Variants in UNC93B1 observed in about 807,000 individuals in gnomAD.
UNC93B1 encodes the protein unc-93B1 regulator of TLR signaling, also known as protein unc-93 homolog B1.
Under a neutral mutation model 56.8 loss-of-function variants are expected in UNC93B1, and 33 were observed. The observed-to-expected ratio is 0.58, with a 90% CI of 0.44 to 0.78. The LOEUF (loss-of-function observed/expected upper bound fraction) is 0.78, where lower values mean the gene tolerates loss of function less well. Among genes scored for constraint, UNC93B1 ranks in the 30% least tolerant of loss-of-function variants. UNC93B1 has a pLI of 0.00. For synonymous variants in UNC93B1, 334 were observed against 358.6 expected, an observed-to-expected ratio of 0.93 and a Z score of 0.77; for missense variants, 673 against 819.5, an observed-to-expected ratio of 0.82 and a Z score of 2.18.
chr11:68,002,892 A>C, intron 3 of UNC93B1, 130 bp downstream of exon 3: 1 of 1,216,462 alleles, frequency 8.2e-7, no homozygotes, highest in Non-Finnish European at 1.1e-6. Context: ...GCTTCCGGGT[A>C]GAAAAAAACC....
At chr11:67,999,732 G>T in intron 3 of UNC93B1, 52 bp from the exon 4 acceptor site, 1 of 1,584,692 alleles carries the variant, frequency 6.3e-7, no homozygotes, top group South Asian at 1.2e-5. Flanking sequence ...GACCACTGTG[G>T]CCTGAAGCCA....
rs1856952761 is a variant in UNC93B1, at chr11:67,996,688, C to T, written c.1003G>A (p.Val335Met). The T allele has an allele frequency of 3.2e-6, 5 of 1,551,776 alleles. No individual in the cohort carries two copies. The highest frequency in any genetic ancestry group is 1.2e-5 in the South Asian group (1 of 84,076). The change falls in exon 8 of 11, where the codon GTG becomes ATG. Residue 335 changes from valine (V) to methionine (M), a missense_variant. Physicochemically the swap from Val to Met is conservative, Grantham distance 21. This residue lies in a region of UNC93B1 where 155 missense variants were observed against 268.3 expected (regional missense o/e 0.58). Transcript: ENST00000227471. ...AGGTGGCGCAGGCGGTAGTCACGCA[C>T]GTGCTTGAAGGGCAGCTGGAAGATG... ...GNIFQLPFKH[V>M]RDYRLRHLVP...
chr11:68,002,185 T>TACACACACACACACACAC (rs60629377), intron 3 of UNC93B1, among the ~76,000 whole-genome samples: 6 of 140,780 alleles, frequency 4.3e-5, no homozygotes, highest in African/African-American at 1.1e-4. Context: ...CCCGCTTGCA[T>TACACACACACACACACAC]ACACACACAC....
chr11:67,997,358 C>T (rs766521977), intron 7 of UNC93B1, among the ~76,000 whole-genome samples: 1 of 152,230 alleles, frequency 6.6e-6, no homozygotes, highest in African/African-American at 2.4e-5. Flanking sequence ...AACCCCCTCA[C>T]AGGTCTCAGT....
At chr11:68,002,422 TTTTG>T (rs561341439) in intron 3 of UNC93B1, among the ~76,000 whole-genome samples, 16 of 152,100 alleles carry the variant, frequency 1.1e-4, no homozygotes, top group African/African-American at 2.2e-4. Flanking sequence ...TCTCTTGTTG[TTTTG>T]TTTGTTTGTT....
intron 3 of UNC93B1, among the ~76,000 whole-genome samples, chr11:67,999,950 T>G (rs1857019335): frequency 6.6e-6 from 1 of 152,108 alleles, no homozygotes; most frequent in Non-Finnish European, 1.5e-5. Context: ...GACCCATGGG[T>G]GTAACCAGCC....
intron 5 of UNC93B1, among the ~76,000 whole-genome samples, chr11:67,998,929 A>G (rs1856997270): frequency 6.6e-6 from 1 of 152,144 alleles, no homozygotes; most frequent in South Asian, 2.1e-4. Flanking sequence ...AAAGAAAGAA[A>G]AAGAAATGAA....
Position 68,003,215 on chromosome 11 carries a change from AG to A in UNC93B1, c.239-41del. The A allele has an allele frequency of 6.4e-7, 1 of 1,568,030 alleles. No homozygotes were observed. The highest frequency in any genetic ancestry group is 8.6e-7 in the Non-Finnish European group (1 of 1,163,048). The stretch of plus-strand genomic sequence containing the variant: ...GAGAGCGGCGTGCAGGGAGCAGCCT[AG>A]CTTTGGGCGCCACCGAGCAGAAGAC... On this transcript the variant is annotated intron_variant, in intron 2 of 10. Coordinates refer to ENST00000227471, the MANE Select transcript of UNC93B1 (RefSeq NM_030930.4). This position sits in a 1 kb window ranked among gnomAD's most constrained non-coding sequence, Gnocchi z 4.4.
rs368832466 is a variant in UNC93B1, at chr11:67,993,225, G to T, written c.1482+451C>A. ...GCTGGTCTCAAACTCCCTACCTCAGGCAATCCACTCGCCTCGGCCTCCCAA... is the reference window on the plus strand; with the variant it reads ...GCTGGTCTCAAACTCCCTACCTCAGTCAATCCACTCGCCTCGGCCTCCCAA... On this transcript the variant is annotated intron_variant, in intron 10 of 10. Coordinates refer to ENST00000227471, the MANE Select transcript of UNC93B1 (RefSeq NM_030930.4). Among the ~76,000 whole-genome samples, 74 of 152,050 alleles carry T rather than the reference G, an allele frequency of 4.9e-4. 4 individuals are homozygous for T. The East Asian group carries it at 8.6e-3, about 18-fold the overall frequency.
At chr11:67,998,194 G>C (rs1443652377) in intron 6 of UNC93B1, among the ~76,000 whole-genome samples, 165 bp downstream of exon 6, 3 of 152,160 alleles carry the variant, frequency 2.0e-5, no homozygotes, top group East Asian at 3.9e-4. Context: ...CTCCTGGCTG[G>C]GTCAGATGTC....
At chr11:67,992,350 G>A (rs907102234) in intron 10 of UNC93B1, among the ~76,000 whole-genome samples, 133 of 152,164 alleles carry the variant, frequency 8.7e-4, no homozygotes, top group Admixed American at 5.3e-3. Context: ...CGGTCGCTCC[G>A]TTTCCCCACC....
chr11:68,003,185 G>A lies in UNC93B1; in HGVS notation c.239-10C>T, dbSNP rs1857074913. ...TGCATCTGCAGGAGGCCTGGGGACA[G>A]GACAGAGAGCGGCGTGCAGGGAGCA... On this transcript the variant is annotated splice_polypyrimidine_tract_variant and intron_variant, in intron 2 of 10. Coordinates refer to ENST00000227471, the MANE Select transcript of UNC93B1 (RefSeq NM_030930.4). This position sits in a 1 kb window ranked among gnomAD's most constrained non-coding sequence, Gnocchi z 4.4. 1 of 1,607,682 alleles carries A rather than the reference G, an allele frequency of 6.2e-7. No homozygotes were observed. Among genetic ancestry groups the A allele is most frequent in the Non-Finnish European group, 8.5e-7 (1 of 1,178,892 alleles).
Position 67,996,756 on chromosome 11 carries a change from C to G in UNC93B1, c.935G>C (p.Arg312Pro). The G allele has an allele frequency of 2.6e-6, 4 of 1,562,382 alleles. No individual in the cohort carries two copies. The highest frequency in any genetic ancestry group is 3.5e-6 in the Non-Finnish European group (4 of 1,153,090). The change falls in exon 8 of 11, where the codon CGG becomes CCG. Residue 312 changes from arginine to proline, a missense_variant. Arg to Pro is a moderately radical substitution (Grantham distance 103). Coordinates refer to ENST00000227471, the MANE Select transcript of UNC93B1 (RefSeq NM_030930.4). ...LVLGLCGAAYRPTEEIDLRSV... is the reference protein window; with the variant it reads ...LVLGLCGAAYPPTEEIDLRSV... ...GCGCAGATCGATCTCCTCCGTGGGC[C>G]GGTAAGCGGCTCCGCACAAACCCAG...
rs1190940755 is a variant in UNC93B1, at chr11:67,991,362, C to G, written c.*184G>C. 3.0e-5 allele frequency: 17 copies of G among 560,140 alleles called. No homozygotes were observed. Among genetic ancestry groups the G allele is most frequent in the Non-Finnish European group, 4.8e-5 (17 of 351,402 alleles). The allele number at this position is 560,140 out of a possible 1,614,324, so 34.7% of individuals were successfully genotyped here. A position where few individuals can be genotyped will look rare whatever the true frequency, so the allele number is the denominator to read the frequency against. On this transcript the variant is annotated 3_prime_UTR_variant, in exon 11 of 11. Coordinates refer to ENST00000227471, the MANE Select transcript of UNC93B1 (RefSeq NM_030930.4). ...GAGGGGTTCCCAAGGCTCCACTCCGCCTTGGAGGGGGCTGCGGAAGCCCGG... is the reference window on the plus strand; with the variant it reads ...GAGGGGTTCCCAAGGCTCCACTCCGGCTTGGAGGGGGCTGCGGAAGCCCGG...
Position 67,991,416 on chromosome 11 carries a change from C to G in UNC93B1, c.*130G>C. The G allele has an allele frequency of 1.1e-6, 1 of 948,600 alleles. No homozygotes were observed. Among genetic ancestry groups the G allele is most frequent in the Non-Finnish European group, 1.4e-6 (1 of 699,104 alleles). 58.8% of individuals were successfully genotyped at this position (948,600 alleles called of 1,614,324 possible). On this transcript the variant is annotated 3_prime_UTR_variant, in exon 11 of 11. Coordinates refer to ENST00000227471, the MANE Select transcript of UNC93B1 (RefSeq NM_030930.4). ...TGACCTGGGCTCTGGGAGGGGCGTCCCCAACGTGGGGGAGGGGAGACAGGG... is the reference window on the plus strand; with the variant it reads ...TGACCTGGGCTCTGGGAGGGGCGTCGCCAACGTGGGGGAGGGGAGACAGGG...
rs1271318369 is a variant in UNC93B1, at chr11:68,003,945, C to T, written c.96+3G>A. 1.4e-6 allele frequency: 2 copies of T among 1,381,666 alleles called. No homozygotes were observed. Among genetic ancestry groups the T allele is most frequent in the Non-Finnish European group, 1.9e-6 (2 of 1,063,230 alleles). 85.6% of individuals were successfully genotyped at this position (1,381,666 alleles called of 1,614,324 possible). On this transcript the variant is annotated splice_donor_region_variant and intron_variant, in intron 1 of 10. Coordinates refer to ENST00000227471, the MANE Select transcript of UNC93B1 (RefSeq NM_030930.4). This position sits in a 1 kb window ranked among gnomAD's most constrained non-coding sequence, Gnocchi z 4.4. ...GCGCCTCGCACTCCGGGTCCCCGCT[C>T]ACCGGGGCCTCGGGCCCGTCCGGGA...
rs1477776479 is a variant in UNC93B1, at chr11:68,002,157, A to T, written c.392+865T>A. 2.0e-5 allele frequency among the ~76,000 whole-genome samples: 3 copies of T among 148,922 alleles called. No homozygotes were observed. In the South Asian group the frequency reaches 6.4e-4, roughly 32 times the overall value. Reference sequence around the variant, plus strand: ...CTGTCTCAAAAAAAAAAAAGTAAGCAAGCAAAAGCAAACATAGCCCGCTTG... The same window carrying T: ...CTGTCTCAAAAAAAAAAAAGTAAGCTAGCAAAAGCAAACATAGCCCGCTTG... On this transcript the variant is annotated intron_variant, in intron 3 of 10. Transcript: ENST00000227471.
chr11:67,992,486 A>G (rs1590757930), intron 10 of UNC93B1, among the ~76,000 whole-genome samples: 1 of 151,908 alleles, frequency 6.6e-6, no homozygotes, highest in Non-Finnish European at 1.5e-5. Flanking sequence ...CTACAGGCAC[A>G]CGCCACTACG....
chr11:68,001,432 G>A (rs1183363496), intron 3 of UNC93B1, among the ~76,000 whole-genome samples: 1 of 152,026 alleles, frequency 6.6e-6, no homozygotes, highest in Non-Finnish European at 1.5e-5. Flanking sequence ...TTGTGGGGCT[G>A]GGGCGGGTGA....
Sources: gnomAD v4.1 joint callset for allele counts (sites outside exome capture counted in the v4.1 genomes callset) on GRCh38, gnomAD v4.1.1 for gene constraint, gnomAD v4.1.1 regional missense constraint, Gnocchi (gnomAD v3.1) non-coding constraint, MANE v1.5 for transcripts, NCBI Gene and HGNC (gene_info 2026-07-23, HGNC 2026-07-21) for gene names.